BCAS3: variants seen among roughly 807,000 people sequenced by gnomAD.
BCAS3 encodes BCAS4/BCAS3 fusion.
A neutral mutation model predicts 116.1 loss-of-function variants in BCAS3; 53 were observed. The observed-to-expected ratio is 0.46, with a 90% CI of 0.37 to 0.57. BCAS3 has a LOEUF of 0.57. Ranked by LOEUF, BCAS3 falls within the 20% of genes least tolerant of loss-of-function variation. The pLI, the probability that BCAS3 is intolerant of heterozygous loss-of-function variation, is 0.00. For missense variants in BCAS3, 917 were observed against 1,165.4 expected (o/e 0.79, Z 3.10); for synonymous variants, 391 against 408.2 (o/e 0.96, Z 0.51).
chr17:61,113,809 C>G (rs1420530789), intron 22 of BCAS3, among the ~76,000 whole-genome samples: 1 of 86,568 alleles, frequency 1.2e-5, no homozygotes, highest in Non-Finnish European at 2.4e-5. Context: ...AGACCAATAT[C>G]CTTGATGAAC....
At chr17:60,998,255 C>T (rs1480754950) in intron 15 of BCAS3, among the ~76,000 whole-genome samples, 1 of 152,152 alleles carries the variant, frequency 6.6e-6, no homozygotes, top group Non-Finnish European at 1.5e-5. Flanking sequence ...CATTGATAGG[C>T]ACTTTGGTTG....
At chr17:61,237,362 C>T (rs1047095376) in intron 22 of BCAS3, among the ~76,000 whole-genome samples, 1 of 152,104 alleles carries the variant, frequency 6.6e-6, no homozygotes, top group Non-Finnish European at 1.5e-5. Flanking sequence ...AGTAGCCAAT[C>T]GCAAGGAGGA....
chr17:60,803,937 G>T (rs2048042653), intron 6 of BCAS3, among the ~76,000 whole-genome samples: 1 of 150,368 alleles, frequency 6.7e-6, no homozygotes, highest in African/African-American at 2.4e-5. Flanking sequence ...GAGTAGCTGG[G>T]ATTACAGGCA....
chr17:61,260,998 G>C (rs2049155337), intron 22 of BCAS3, among the ~76,000 whole-genome samples: 1 of 152,196 alleles, frequency 6.6e-6, no homozygotes, highest in South Asian at 2.1e-4. Flanking sequence ...ACTCTAGGAG[G>C]CAGACATGGT....
intron 22 of BCAS3, among the ~76,000 whole-genome samples, chr17:61,299,833 T>C (rs2053288399): frequency 6.6e-6 from 1 of 152,246 alleles, no homozygotes. Context: ...AGTCCCATTG[T>C]TATCCCAGGA....
Position 61,366,158 on chromosome 17 carries a change from T to C in BCAS3, c.2426-2169T>C, listed in dbSNP as rs959832640. The stretch of plus-strand genomic sequence containing the variant: ...ACTGTCTCAAAAAAAAAAAAAAAAG[T>C]TGAGCCAACAGGGAGGAGGAGGGCC... On this transcript the variant is annotated intron_variant, in intron 22 of 23. Transcript: ENST00000407086. This position sits in a 1 kb window ranked among gnomAD's most constrained non-coding sequence, Gnocchi z 4.5. Among the ~76,000 whole-genome samples, 5 of 148,988 alleles carry C rather than the reference T, an allele frequency of 3.4e-5. No homozygotes were observed. Among genetic ancestry groups the C allele is most frequent in the South Asian group, 2.1e-4 (1 of 4,724 alleles).
chr17:60,768,141 A>T (rs1226971567), intron 6 of BCAS3, among the ~76,000 whole-genome samples: 1 of 152,212 alleles, frequency 6.6e-6, no homozygotes, highest in Non-Finnish European at 1.5e-5. Flanking sequence ...TGCATATATT[A>T]GTGTGAGCAC....
chr17:60,948,677 A>C (rs1281386314), intron 14 of BCAS3, among the ~76,000 whole-genome samples: 1 of 152,152 alleles, frequency 6.6e-6, no homozygotes, highest in Admixed American at 6.5e-5. Context: ...AAATGTCTTA[A>C]ATTTAGAGAA....
At chr17:60,778,964 G>T (rs1465101703) in intron 6 of BCAS3, among the ~76,000 whole-genome samples, 1 of 152,134 alleles carries the variant, frequency 6.6e-6, no homozygotes, top group African/African-American at 2.4e-5. Flanking sequence ...TTTCTAGGCA[G>T]ATATTTGAAT....
intron 19 of BCAS3, among the ~76,000 whole-genome samples, chr17:61,071,001 A>G (rs971966152): frequency 6.6e-6 from 1 of 152,188 alleles, no homozygotes; most frequent in Non-Finnish European, 1.5e-5. Context: ...TAAGCTGAAC[A>G]TTTTAGATCT....
intron 13 of BCAS3, among the ~76,000 whole-genome samples, chr17:60,934,620 C>G (rs2059823662): frequency 6.6e-6 from 1 of 152,224 alleles, no homozygotes; most frequent in Non-Finnish European, 1.5e-5. Context: ...CCAGTAGCCT[C>G]TGAGCCTCCC....
chr17:61,018,565 G>C (rs1245480717), intron 16 of BCAS3, among the ~76,000 whole-genome samples: 4 of 151,966 alleles, frequency 2.6e-5, no homozygotes, highest in African/African-American at 9.7e-5. Flanking sequence ...GCCTCCCAAA[G>C]TGCTGGGATT....
intron 15 of BCAS3, among the ~76,000 whole-genome samples, chr17:60,992,657 T>C (rs960639061): frequency 2.2e-4 from 33 of 152,302 alleles, no homozygotes; most frequent in African/African-American, 7.7e-4. Context: ...AACTTGCACA[T>C]GTGCCCCCGA....
intron 22 of BCAS3, among the ~76,000 whole-genome samples, chr17:61,173,023 C>T (rs80194807): frequency 6.9e-6 from 1 of 145,294 alleles, no homozygotes; most frequent in Non-Finnish European, 1.5e-5. Flanking sequence ...TTAAGTCATA[C>T]AAAGTGTCTT....
At chr17:61,260,498 T>C (rs1325255115) in intron 22 of BCAS3, among the ~76,000 whole-genome samples, 1 of 152,212 alleles carries the variant, frequency 6.6e-6, no homozygotes, top group Non-Finnish European at 1.5e-5. Flanking sequence ...GTTGTTTTCC[T>C]TGGGATTTAG....
At chr17:61,212,845 A>G (rs995657385) in intron 22 of BCAS3, among the ~76,000 whole-genome samples, 2 of 152,152 alleles carry the variant, frequency 1.3e-5, no homozygotes, top group Non-Finnish European at 2.9e-5. Context: ...CCATTCTTAG[A>G]CTATAGCATT....
At chr17:60,814,763 A>G (rs2144655499) in intron 7 of BCAS3, among the ~76,000 whole-genome samples, 1 of 152,304 alleles carries the variant, frequency 6.6e-6, no homozygotes, top group African/African-American at 2.4e-5. Context: ...CTTCATTTAA[A>G]CACATTGTTT....
At chr17:60,909,058 C>T (rs2058344955) in intron 11 of BCAS3, among the ~76,000 whole-genome samples, 1 of 152,100 alleles carries the variant, frequency 6.6e-6, no homozygotes, top group African/African-American at 2.4e-5. Context: ...ACTTCCCTAG[C>T]CTCGATTTTC....
chr17:61,253,978 G>A (rs2048564291), intron 22 of BCAS3, among the ~76,000 whole-genome samples: 1 of 152,086 alleles, frequency 6.6e-6, no homozygotes, highest in African/African-American at 2.4e-5. Flanking sequence ...GGAGAAGAAA[G>A]AGCCTTAGGA....
Sources: gnomAD v4.1 joint callset for allele counts (sites outside exome capture counted in the v4.1 genomes callset) on GRCh38, gnomAD v4.1.1 for gene constraint, Gnocchi (gnomAD v3.1) non-coding constraint, MANE v1.5 for transcripts, NCBI Gene and HGNC (gene_info 2026-07-23, HGNC 2026-07-21) for gene names.